MATR3: variants seen among roughly 807,000 people sequenced by gnomAD.
MATR3 encodes the protein matrin-3.
Under a neutral mutation model 85.5 loss-of-function variants are expected in MATR3, and 4 were observed. The ratio of observed to expected loss-of-function variants is 0.05; its 90% CI spans 0.02 to 0.11. MATR3 has a LOEUF of 0.11. Ranked by LOEUF, MATR3 falls within the 10% of genes least tolerant of loss-of-function variation. MATR3 has a pLI of 1.00. For synonymous variants in MATR3, 336 were observed against 343.1 expected, an observed-to-expected ratio of 0.98 and a Z score of 0.23; for missense variants, 685 against 1,016.1, an observed-to-expected ratio of 0.67 and a Z score of 4.43.
At chr5:139,317,515 T>G (rs1035346685) in intron 6 of MATR3, 81 bp from the exon 7 acceptor site, 39 of 1,353,314 alleles carry the variant, frequency 2.9e-5, no homozygotes, top group Non-Finnish European at 4.0e-5. Flanking sequence ...AATTATAGAT[T>G]ATAAAAAGTC....
intron 1 of MATR3, among the ~76,000 whole-genome samples, chr5:139,299,108 C>T (rs1323296365): frequency 6.6e-6 from 1 of 152,116 alleles, no homozygotes. Flanking sequence ...GATTTATTTC[C>T]AAAGTCTCGT....
intron 2 of MATR3, chr5:139,313,157 C>T (rs1561936560): frequency 6.6e-6 from 1 of 151,706 alleles, no homozygotes; most frequent in African/African-American, 2.4e-5. Context: ...AGACATCCCC[C>T]TTTAAAAACA....
chr5:139,281,356 GTT>G (rs1371325133), intron 3 of MATR3, among the ~76,000 whole-genome samples: 5 of 101,022 alleles, frequency 4.9e-5, no homozygotes, highest in Non-Finnish European at 6.0e-5. Context: ...TTTTTTTTTT[GTT>G]TTTTTTTTTT....
rs1561933691 is a variant in MATR3, at chr5:139,308,179, G to A, written c.764G>A (p.Arg255His). The A allele has an allele frequency of 1.2e-6, 2 of 1,614,086 alleles. No homozygotes were observed. The highest frequency in any genetic ancestry group is 2.2e-5 in the East Asian group (1 of 44,878). ...KFDSEYERMG[R>H]GPGPLQERSL... The stretch of plus-strand genomic sequence containing the variant: ...GACAGTGAGTATGAGAGAATGGGAC[G>A]TGGTCCTGGCCCCTTACAAGAGAGA... Residue 255 changes from arginine to histidine, a missense_variant, in exon 2 of 15, where the codon CGT (arginine) becomes CAT (histidine). Physicochemically the swap from Arg to His is conservative, Grantham distance 29 (BLOSUM62 0). This residue lies in a region of MATR3 where 223 missense variants were observed against 334.4 expected (regional missense o/e 0.67). Transcript: ENST00000394805.
At chr5:139,294,126 C>T (rs1754004136) in intron 1 of MATR3, 5 of 1,143,604 alleles carry the variant, frequency 4.4e-6, no homozygotes, top group East Asian at 6.4e-5. Context: ...GAGCTTCCTG[C>T]GCGTCCTGGG....
At position 139,325,653 on chromosome 5, in the gene MATR3, G is replaced by A; in HGVS notation, c.2362G>A (p.Val788Ile). 1 of 1,613,660 alleles carries A rather than the reference G, an allele frequency of 6.2e-7. No individual in the cohort carries two copies. Among genetic ancestry groups the A allele is most frequent in the South Asian group, 1.1e-5 (1 of 91,070 alleles). ...EYRIGPYQPN[V>I]PVGIDYVIPK... ...TAGAATTGGACCATATCAGCCCAAT[G>A]TTCCTGTTGGTGAGATTTAAGTCTT... Residue 788 changes from valine (V) to isoleucine (I), a missense_variant, in exon 13 of 15, where the codon GTT (valine) becomes ATT (isoleucine). By Grantham distance (29) the Val-to-Ile change is conservative. Transcript: ENST00000394805.
chr5:139,279,509 TTTTG>T, intron 3 of MATR3: 1 of 179,638 alleles, frequency 5.6e-6, no homozygotes, highest in Non-Finnish European at 1.2e-5. Context: ...TTACAGGTTT[TTTTG>T]TTTGTTTTTT....
In MATR3 at chr5:139,318,898, A is replaced by G. The variant is rs753216214; in HGVS notation, c.1309-10A>G. ...AAAAAACAGAGAAATAACTTTTTGT[A>G]TAATTTCAGGCATTTATTGAAATGG... is the stretch of plus-strand genomic sequence containing the variant. On this transcript the variant is annotated splice_polypyrimidine_tract_variant and intron_variant, in intron 7 of 14. Coordinates refer to ENST00000394805, the MANE Select transcript of MATR3 (RefSeq NM_018834.6). 62 of 1,613,932 alleles carry G rather than the reference A, an allele frequency of 3.8e-5. No homozygotes were observed. In the South Asian group the frequency reaches 6.6e-4, roughly 17 times the overall value.
At chr5:139,314,345 C>T in intron 2 of MATR3, 1 of 329,638 alleles carries the variant, frequency 3.0e-6, no homozygotes, top group Non-Finnish European at 5.9e-6. Context: ...GTTTGGTCCA[C>T]AGTAAAAATT....
At chr5:139,282,476 G>T (rs775848623) in intron 3 of MATR3, among the ~76,000 whole-genome samples, 3 of 152,060 alleles carry the variant, frequency 2.0e-5, no homozygotes, top group Non-Finnish European at 4.4e-5. Flanking sequence ...TCTTAAGGGT[G>T]ATATACTCAT....
chr5:139,275,582 C>T (rs1753246465), intron 1 of MATR3, among the ~76,000 whole-genome samples: 1 of 152,164 alleles, frequency 6.6e-6, no homozygotes, highest in Non-Finnish European at 1.5e-5. Context: ...CAGACATTAT[C>T]CTGAGGATTA....
At chr5:139,316,922 G>A (rs1218978803) in intron 5 of MATR3, 131 bp from the exon 6 acceptor site, 3 of 742,460 alleles carry the variant, frequency 4.0e-6, no homozygotes, top group Middle Eastern at 2.5e-4. Context: ...AACATTGCAT[G>A]AAAAGTGATG....
At chr5:139,320,787 A>G (rs1394741887) in intron 9 of MATR3, among the ~76,000 whole-genome samples, 8 of 120,552 alleles carry the variant, frequency 6.6e-5, no homozygotes, top group East Asian at 2.4e-4. Context: ...TCGCTCTGTC[A>G]CCCCGGCTGT....
At chr5:139,303,175 C>T (rs1754540368) in intron 1 of MATR3, among the ~76,000 whole-genome samples, 1 of 152,150 alleles carries the variant, frequency 6.6e-6, no homozygotes, top group African/African-American at 2.4e-5. Flanking sequence ...AATCTCGGCT[C>T]AGTGCAGCCT....
intron 1 of MATR3, among the ~76,000 whole-genome samples, chr5:139,296,830 C>T (rs1002969131): frequency 5.9e-5 from 9 of 152,164 alleles, no homozygotes; most frequent in African/African-American, 1.7e-4. Flanking sequence ...TTTTATATAT[C>T]TCCTTTAGTT....
chr5:139,314,802 G>T, intron 3 of MATR3, 66 bp downstream of exon 3: 1 of 1,443,400 alleles, frequency 6.9e-7, no homozygotes, highest in South Asian at 1.2e-5. Context: ...ATTGGTTTTT[G>T]GGAGTTCATC....
upstream of MATR3, among the ~76,000 whole-genome samples, chr5:139,290,527 G>A (rs572529611): frequency 5.4e-5 from 7 of 130,474 alleles, no homozygotes; most frequent in South Asian, 2.6e-4. Context: ...AGGCTCAGTC[G>A]ATCCTTCCAC....
At position 139,318,968 on chromosome 5, in the gene MATR3, A is replaced by G; in HGVS notation, c.1369A>G (p.Thr457Ala). The G allele has an allele frequency of 6.2e-7, 1 of 1,614,066 alleles. No individual in the cohort carries two copies. The highest frequency in any genetic ancestry group is 8.5e-7 in the Non-Finnish European group (1 of 1,179,864). ...AQAAVDYYTT[T>A]PALVFGKPVR... ...GGCCGCAGTGGATTATTACACAACC[A>G]CACCAGCGTTAGTATTTGGCAAGCC... Residue 457 changes from threonine to alanine, a missense_variant, in exon 8 of 15, where the codon ACA (threonine) becomes GCA (alanine). By Grantham distance (58) the Thr-to-Ala change is moderately conservative. Coordinates refer to ENST00000394805, the MANE Select transcript of MATR3 (RefSeq NM_018834.6).
intron 6 of MATR3, 127 bp downstream of exon 6, chr5:139,317,232 ACGT>A: frequency 2.1e-6 from 2 of 967,480 alleles, no homozygotes; most frequent in East Asian, 5.2e-5. Flanking sequence ...GAAAACAATC[ACGT>A]TTTTCTATGG....
Sources: gnomAD v4.1 joint callset for allele counts (sites outside exome capture counted in the v4.1 genomes callset) on GRCh38, gnomAD v4.1.1 for gene constraint, gnomAD v4.1.1 regional missense constraint, MANE v1.5 for transcripts, NCBI Gene and HGNC (gene_info 2026-07-23, HGNC 2026-07-21) for gene names.